CEP95: variants seen among roughly 807,000 people sequenced by gnomAD.
The protein encoded by CEP95 is centrosomal protein of 95 kDa.
Under a neutral mutation model 111.2 loss-of-function variants are expected in CEP95, and 98 were observed. The ratio of observed to expected loss-of-function variants is 0.88; its 90% CI spans 0.75 to 1.04. The LOEUF is 1.04. Among genes scored for constraint, CEP95 ranks in the 50% least tolerant of loss-of-function variants. The pLI is 0.00. For synonymous variants in CEP95, 323 were observed against 327.1 expected (o/e 0.99, Z 0.14); for missense variants, 1,027 against 977.2 (o/e 1.05, Z -0.68).
intron 13 of CEP95, 39 bp from the exon 14 acceptor site, chr17:64,531,851 G>A: frequency 7.1e-7 from 1 of 1,417,502 alleles, no homozygotes; most frequent in Non-Finnish European, 9.4e-7. Context: ...AGAACTGTTA[G>A]ACCTTTTATT....
chr17:64,526,097 C>G lies in CEP95; in HGVS notation c.1049C>G (p.Ser350Cys). ...AATGAAAACAGAGCTACAGCCTCAT[C>G]CTGCAATTCACCTTTCCCCCAGAGG... ...KRNENRATAS[S>C]CNSPFPQRPR... Residue 350 changes from serine to cysteine, a missense_variant, in exon 10 of 20, where the codon TCC becomes TGC. Ser to Cys is a moderately radical substitution (Grantham distance 112). Coordinates refer to ENST00000556440, the MANE Select transcript of CEP95 (RefSeq NM_138363.3). 2 of 1,613,714 alleles carry G rather than the reference C, an allele frequency of 1.2e-6. No individual in the cohort carries two copies. Among genetic ancestry groups the G allele is most frequent in the African/African-American group, 2.7e-5 (2 of 75,038 alleles).
chr17:64,527,603 T>C (rs1302135450), intron 11 of CEP95, among the ~76,000 whole-genome samples: 5 of 152,162 alleles, frequency 3.3e-5, no homozygotes, highest in Admixed American at 2.0e-4. Flanking sequence ...ATGCATTACT[T>C]GTCTAAACAT....
intron 7 of CEP95, among the ~76,000 whole-genome samples, chr17:64,522,027 AT>A (rs1967382437): frequency 6.6e-6 from 1 of 151,838 alleles, no homozygotes; most frequent in Non-Finnish European, 1.5e-5. Flanking sequence ...CAGCTAACTT[AT>A]TTTTAGTAGA....
Position 64,507,433 on chromosome 17 carries a change from G to C in CEP95, c.19+317G>C, listed in dbSNP as rs2038614748. Reference sequence around the variant, plus strand: ...TCTTTCTGTGGGGCGTCTAGCCGCTGTCCGTGTGCCCTCCGCCCTTGCACT... The same window carrying C: ...TCTTTCTGTGGGGCGTCTAGCCGCTCTCCGTGTGCCCTCCGCCCTTGCACT... On this transcript the variant is annotated intron_variant, in intron 1 of 19. Coordinates refer to ENST00000556440, the MANE Select transcript of CEP95 (RefSeq NM_138363.3). 5.9e-6 allele frequency: 8 copies of C among 1,348,084 alleles called. No homozygotes were observed. In the East Asian group the frequency reaches 1.8e-4, roughly 31 times the overall value. 83.5% of individuals were successfully genotyped at this position (1,348,084 alleles called of 1,614,324 possible).
At chr17:64,509,757 T>TC (rs1283319494) in intron 2 of CEP95, among the ~76,000 whole-genome samples, 1 of 152,136 alleles carries the variant, frequency 6.6e-6, no homozygotes, top group African/African-American at 2.4e-5. Flanking sequence ...GTTTTTTTTT[T>TC]CTTCGTAGAA....
intron 1 of CEP95, 51 bp from the exon 2 acceptor site, chr17:64,508,541 A>T: frequency 3.1e-6 from 4 of 1,300,266 alleles, no homozygotes; most frequent in Non-Finnish European, 4.0e-6. Flanking sequence ...TGTCTGTGTG[A>T]TTTTTTTCTG....
At chr17:64,508,894 TATTAA>T (rs1356534058) in intron 2 of CEP95, among the ~76,000 whole-genome samples, 174 bp downstream of exon 2, 4 of 151,264 alleles carry the variant, frequency 2.6e-5, no homozygotes, top group East Asian at 3.9e-4. Flanking sequence ...AAATATTGTA[TATTAA>T]ATTGTATTTA....
chr17:64,527,870 GTATATATATATA>G (rs376144614), intron 11 of CEP95, among the ~76,000 whole-genome samples: 7 of 112,640 alleles, frequency 6.2e-5, no homozygotes. Flanking sequence ...GTGTGTGTGT[GTATATATATATA>G]TATATATATA....
intron 3 of CEP95, among the ~76,000 whole-genome samples, chr17:64,513,717 G>A (rs1277111383): frequency 6.6e-6 from 1 of 152,108 alleles, no homozygotes; most frequent in Non-Finnish European, 1.5e-5. Flanking sequence ...GGGGGGTTAT[G>A]GTGGAGAATT....
chr17:64,525,922 C>T (rs1490395659), intron 9 of CEP95, 40 bp downstream of exon 9: 2 of 1,502,426 alleles, frequency 1.3e-6, no homozygotes, highest in Non-Finnish European at 1.8e-6. Flanking sequence ...AGTCTGTTTA[C>T]AAAGGAATTT....
chr17:64,515,166 G>A (rs946683227), intron 4 of CEP95, among the ~76,000 whole-genome samples: 19 of 152,186 alleles, frequency 1.2e-4, no homozygotes, highest in African/African-American at 4.6e-4. Flanking sequence ...AAAATTGAGT[G>A]TTTTATAGGC....
chr17:64,535,671 A>G (rs1200566739), intron 17 of CEP95: 4 of 152,202 alleles, frequency 2.6e-5, no homozygotes, highest in Non-Finnish European at 5.9e-5. Context: ...AAAACAATCT[A>G]GCAGTTCCTC....
rs1968315982 is a variant in CEP95, at chr17:64,532,005, C to G, written c.1655C>G (p.Pro552Arg). 3.2e-6 allele frequency: 5 copies of G among 1,582,840 alleles called. No homozygotes were observed. The highest frequency in any genetic ancestry group is 4.3e-6 in the Non-Finnish European group (5 of 1,171,456). Reference sequence around the variant, plus strand: ...AGTCTAAGAGGTGGCCTCCCAAAGCCAAATAAAGCAGTTCCAAGTAAGAAC... The same window carrying G: ...AGTCTAAGAGGTGGCCTCCCAAAGCGAAATAAAGCAGTTCCAAGTAAGAAC... ...TQSLRGGLPK[P>R]NKAVPMKVSE... The change falls in exon 14 of 20, where the codon CCA (proline) becomes CGA (arginine). Residue 552 changes from proline (P) to arginine (R), a missense_variant. Transcript: ENST00000556440.
At position 64,508,690 on chromosome 17, in the gene CEP95, T is replaced by C. The variant is rs782105906; in HGVS notation, c.118T>C (p.Tyr40His). ...DCDANVFIAL[Y>H]QSILGEKVPD... ...TGATGCTAATGTTTTTATTGCTCTT[T>C]ATCAGTCTATTTTGGGAGAAAAGGT... Residue 40 changes from tyrosine to histidine, a missense_variant, in exon 2 of 20, where the codon TAT (tyrosine) becomes CAT (histidine). Physicochemically the swap from Tyr to His is moderately conservative, Grantham distance 83 (BLOSUM62 2). Coordinates refer to ENST00000556440, the MANE Select transcript of CEP95 (RefSeq NM_138363.3). The C allele has an allele frequency of 6.2e-6, 9 of 1,444,872 alleles. No individual in the cohort carries two copies. In the South Asian group the frequency reaches 1.3e-4, roughly 22 times the overall value. The allele number at this position is 1,444,872 out of a possible 1,614,324, so 89.5% of individuals were successfully genotyped here. A position where few individuals can be genotyped will look rare whatever the true frequency, so the allele number is the denominator to read the frequency against.
chr17:64,522,504 A>AG (rs1217957532), intron 7 of CEP95, among the ~76,000 whole-genome samples, 198 bp from the exon 8 acceptor site: 31 of 151,946 alleles, frequency 2.0e-4, no homozygotes, highest in Middle Eastern at 3.4e-3. Context: ...AAAAAAAAAA[A>AG]TTACATCCTA....
At chr17:64,514,218 T>C in intron 3 of CEP95, 30 bp from the exon 4 acceptor site, 1 of 876,058 alleles carries the variant, frequency 1.1e-6, no homozygotes, top group South Asian at 1.7e-5. Flanking sequence ...CATGGTTAAA[T>C]TTTTTAATAG....
In CEP95 at chr17:64,534,739, T is replaced by G. The variant is rs1555681210; in HGVS notation, c.2070+2T>G. On this transcript the variant is annotated splice_donor_variant, in intron 17 of 19. Transcript: ENST00000556440. LOFTEE classifies it high-confidence loss of function. The stretch of plus-strand genomic sequence containing the variant: ...AGAATGAGGACCCGGGAAGAAATGG[T>G]AAGTCTGACTTTTCTGTCCAGCCCT... The G allele has an allele frequency of 6.2e-7, 1 of 1,609,802 alleles. No individual in the cohort carries two copies. The highest frequency in any genetic ancestry group is 8.5e-7 in the Non-Finnish European group (1 of 1,177,792).
Position 64,525,826 on chromosome 17 carries a change from A to G in CEP95, c.966A>G (p.Glu322=). 6.2e-7 allele frequency: 1 copy of G among 1,605,930 alleles called. No individual in the cohort carries two copies. The change falls in exon 9 of 20, where the codon GAA becomes GAG. Residue 322 remains glutamate, a synonymous_variant. Transcript: ENST00000556440. The part of the protein sequence containing the change: ...ISKLPKGSKW[E]VYPAQVQGPR... Reference sequence around the variant, plus strand: ...AGTTGCCTAAAGGCAGCAAATGGGAAGTATATCCAGCTCAGGTCCAAGGGC... The same window carrying G: ...AGTTGCCTAAAGGCAGCAAATGGGAGGTATATCCAGCTCAGGTCCAAGGGC...
rs782681507 is a variant in CEP95, at chr17:64,533,118, T to A, written c.1844T>A (p.Ile615Lys). The A allele has an allele frequency of 1.2e-6, 2 of 1,606,366 alleles. No individual in the cohort carries two copies. The highest frequency in any genetic ancestry group is 1.3e-5 in the African/African-American group (1 of 74,212). ...CTTAACTTCATGTCCCCCTTCAAGA[T>A]AGAAGAAGCCCTAAGAAGGCATGAC... ...NRSKKKLQDE[I>K]EEALRRHDLL... The change falls in exon 16 of 20, where the codon ATA (isoleucine) becomes AAA (lysine). Residue 615 changes from isoleucine to lysine, a missense_variant and splice_region_variant. Coordinates refer to ENST00000556440, the MANE Select transcript of CEP95 (RefSeq NM_138363.3).
Sources: allele counts gnomAD v4.1 joint callset (sites outside exome capture counted in the v4.1 genomes callset), GRCh38; gene constraint gnomAD v4.1.1; transcripts MANE v1.5; gene names NCBI Gene and HGNC (gene_info 2026-07-23, HGNC 2026-07-21).